Variants in NPAS3 observed in about 807,000 individuals in gnomAD.
The protein encoded by NPAS3 is neuronal PAS domain-containing protein 3.
A neutral mutation model predicts 73.1 loss-of-function variants in NPAS3; 14 were observed. The ratio of observed to expected loss-of-function variants is 0.19; its 90% CI spans 0.13 to 0.30. The LOEUF (loss-of-function observed/expected upper bound fraction) is 0.30, where lower values mean the gene tolerates loss of function less well. Among genes scored for constraint, NPAS3 ranks in the 10% least tolerant of loss-of-function variants. The pLI, the probability that NPAS3 is intolerant of heterozygous loss-of-function variation, is 1.00. For missense variants in NPAS3, 1,096 were observed against 1,250.0 expected (o/e 0.88, Z 1.86); for synonymous variants, 620 against 541.5 (o/e 1.14, Z -2.01).
chr14:33,490,998 C>T (rs759545681), intron 4 of NPAS3, among the ~76,000 whole-genome samples: 4 of 152,194 alleles, frequency 2.6e-5, no homozygotes, highest in Non-Finnish European at 4.4e-5. Context: ...ACAGCAACGG[C>T]AGCATCTCCT....
At position 33,572,903 on chromosome 14, in the gene NPAS3, G is replaced by A. The variant is rs181097022; in HGVS notation, c.558+12693G>A. Among the ~76,000 whole-genome samples the A allele has an allele frequency of 2.3e-4, 35 of 151,238 alleles. 2 individuals carry two copies. The highest frequency in any genetic ancestry group is 7.3e-5 in the African/African-American group (3 of 41,208). On this transcript the variant is annotated intron_variant, in intron 5 of 11. Transcript: ENST00000356141. ...CCAGGTGTGGTGGCGGGTGCCTGTA[G>A]TCCCAGCTACTCGGGAGTCTGAGGC... is the stretch of plus-strand genomic sequence containing the variant.
At chr14:33,649,503 A>C (rs1053100283) in intron 5 of NPAS3, among the ~76,000 whole-genome samples, 2 of 152,194 alleles carry the variant, frequency 1.3e-5, no homozygotes, top group Non-Finnish European at 2.9e-5. Context: ...CAAAATGGAC[A>C]CTTACTTTTA....
intron 1 of NPAS3, among the ~76,000 whole-genome samples, chr14:33,024,241 G>A (rs760922849): frequency 1.3e-5 from 2 of 151,202 alleles, no homozygotes; most frequent in African/African-American, 2.4e-5. Context: ...GCATGATCTC[G>A]GCTCACTGAA....
chr14:33,464,389 A>G lies in NPAS3; in HGVS notation c.469-95732A>G, dbSNP rs115949524. On this transcript the variant is annotated intron_variant, in intron 4 of 11. Coordinates refer to ENST00000356141, the Ensembl canonical transcript of NPAS3. The stretch of plus-strand genomic sequence containing the variant: ...GGGCTGCACTGGCCGAGTACATTAC[A>G]GTAATCTATTGTTGAAATAGCTCCC... Among the ~76,000 whole-genome samples, 932 of 152,312 alleles carry G rather than the reference A, an allele frequency of 6.1e-3. 12 individuals are homozygous for G. The highest frequency in any genetic ancestry group is 0.021 in the African/African-American group (881 of 41,576).
At chr14:33,748,555 G>T (rs1252194119) in intron 7 of NPAS3, among the ~76,000 whole-genome samples, 1 of 152,110 alleles carries the variant, frequency 6.6e-6, no homozygotes, top group Non-Finnish European at 1.5e-5. Context: ...ATGATTCCTT[G>T]TAGAAGTCAT....
chr14:33,111,788 T>C (rs996376353), intron 2 of NPAS3, among the ~76,000 whole-genome samples: 25 of 151,810 alleles, frequency 1.6e-4, no homozygotes, highest in African/African-American at 5.6e-4. Context: ...ATTAGGTATA[T>C]CTCCTAATGC....
chr14:33,232,925 T>A (rs2047904911), intron 3 of NPAS3, among the ~76,000 whole-genome samples: 1 of 152,158 alleles, frequency 6.6e-6, no homozygotes, highest in South Asian at 2.1e-4. Context: ...GATGGTGGAT[T>A]TAGGGGCGGA....
At chr14:33,759,460 A>G (rs2062215323) in intron 7 of NPAS3, among the ~76,000 whole-genome samples, 1 of 152,182 alleles carries the variant, frequency 6.6e-6, no homozygotes, top group South Asian at 2.1e-4. Context: ...GGGCCTAGAG[A>G]GAGTGCTTGC....
intron 4 of NPAS3, among the ~76,000 whole-genome samples, chr14:33,390,273 G>C (rs1274690855): frequency 6.6e-6 from 1 of 152,044 alleles, no homozygotes; most frequent in Non-Finnish European, 1.5e-5. Flanking sequence ...AGGTCTCCTT[G>C]TCTTTTGTCA....
At chr14:33,076,768 C>G (rs2041672800) in intron 2 of NPAS3, among the ~76,000 whole-genome samples, 1 of 152,208 alleles carries the variant, frequency 6.6e-6, no homozygotes, top group Non-Finnish European at 1.5e-5. Context: ...TGACTTTCAT[C>G]TTTATCTGAT....
chr14:33,802,384 A>AAG (rs1477168915), downstream of NPAS3: 2 of 150,222 alleles, frequency 1.3e-5, no homozygotes, highest in Non-Finnish European at 3.0e-5. Flanking sequence ...AGTAAAAAAA[A>AAG]AAAAAAAGAA....
intron 1 of NPAS3, among the ~76,000 whole-genome samples, chr14:33,007,231 G>C (rs766923658): frequency 6.6e-6 from 1 of 152,162 alleles, no homozygotes; most frequent in African/African-American, 2.4e-5. Flanking sequence ...AGCGCCCGGC[G>C]CAAGCATCCT....
intron 1 of NPAS3, among the ~76,000 whole-genome samples, chr14:32,990,304 T>C (rs2139466106): frequency 6.6e-6 from 1 of 152,334 alleles, no homozygotes; most frequent in East Asian, 1.9e-4. Flanking sequence ...ACATTTTAAA[T>C]GACTATTATT....
chr14:33,111,207 T>G (rs2042881118), intron 2 of NPAS3, among the ~76,000 whole-genome samples: 1 of 152,220 alleles, frequency 6.6e-6, no homozygotes, highest in Non-Finnish European at 1.5e-5. Flanking sequence ...AGCAAGGCCC[T>G]TCTTCCTGTT....
intron 2 of NPAS3, among the ~76,000 whole-genome samples, chr14:33,110,172 T>C (rs948065512): frequency 2.0e-5 from 3 of 152,178 alleles, no homozygotes; most frequent in African/African-American, 7.2e-5. Flanking sequence ...AATAAATATG[T>C]TATTATTTGA....
intron 4 of NPAS3, among the ~76,000 whole-genome samples, chr14:33,524,100 C>T (rs993684380): frequency 2.0e-5 from 3 of 152,196 alleles, no homozygotes; most frequent in Non-Finnish European, 2.9e-5. Context: ...ATATTTTGCT[C>T]CTTCTTATCC....
intron 1 of NPAS3, among the ~76,000 whole-genome samples, chr14:33,032,900 T>C (rs1182519006): frequency 6.6e-6 from 1 of 152,184 alleles, no homozygotes; most frequent in Non-Finnish European, 1.5e-5. Context: ...GTATTATATA[T>C]AGGGGTTTTC....
At chr14:33,703,330 A>G (rs1227845703) in intron 6 of NPAS3, among the ~76,000 whole-genome samples, 1 of 152,120 alleles carries the variant, frequency 6.6e-6, no homozygotes, top group Non-Finnish European at 1.5e-5. Context: ...CTACAAAAAA[A>G]AAATTTTGAA....
intron 2 of NPAS3, among the ~76,000 whole-genome samples, chr14:33,125,859 T>C (rs2043408259): frequency 6.6e-6 from 1 of 152,212 alleles, no homozygotes; most frequent in African/African-American, 2.4e-5. Context: ...GACTAGTTAC[T>C]TTTCATAAAG....
Sources: gnomAD v4.1 joint callset for allele counts (sites outside exome capture counted in the v4.1 genomes callset) on GRCh38, gnomAD v4.1.1 for gene constraint, MANE v1.5 for transcripts, NCBI Gene and HGNC (gene_info 2026-07-23, HGNC 2026-07-21) for gene names.